Variants in COL25A1 observed in about 807,000 individuals in gnomAD.
COL25A1 encodes the protein collagen alpha-1(XXV) chain.
Under a neutral mutation model 128.4 loss-of-function variants are expected in COL25A1, and 103 were observed. That is an observed-to-expected ratio of 0.80 (90% CI 0.68 to 0.94). COL25A1 has a LOEUF of 0.94. Ranked by LOEUF, COL25A1 falls within the 40% of genes least tolerant of loss-of-function variation. COL25A1 has a pLI of 0.00. For missense variants in COL25A1, 745 were observed against 840.0 expected (o/e 0.89, Z 1.40); for synonymous variants, 279 against 277.2 (o/e 1.01, Z -0.06).
intron 3 of COL25A1, among the ~76,000 whole-genome samples, chr4:109,165,046 A>G (rs947230019): frequency 6.6e-6 from 1 of 152,230 alleles, no homozygotes. Context: ...ACCTCCAAAT[A>G]GAAAAACAAC....
chr4:109,269,653 T>A (rs1252800192), intron 3 of COL25A1, among the ~76,000 whole-genome samples: 1 of 151,778 alleles, frequency 6.6e-6, no homozygotes, highest in Non-Finnish European at 1.5e-5. Context: ...TATCTCATTG[T>A]GGTTTTGATT....
intron 13 of COL25A1, among the ~76,000 whole-genome samples, chr4:108,903,184 T>C (rs2125868618): frequency 6.6e-6 from 1 of 152,110 alleles, no homozygotes; most frequent in African/African-American, 2.4e-5. Context: ...CATTGAGGGA[T>C]GAAAGTTTGA....
chr4:108,944,096 T>C (rs1748450923), intron 8 of COL25A1, among the ~76,000 whole-genome samples: 1 of 152,228 alleles, frequency 6.6e-6, no homozygotes, highest in East Asian at 1.9e-4. Context: ...TCAGCTCTAA[T>C]GCCTTTGACT....
At chr4:109,297,868 T>C (rs1178964206) in intron 3 of COL25A1, among the ~76,000 whole-genome samples, 2 of 112,046 alleles carry the variant, frequency 1.8e-5, no homozygotes, top group African/African-American at 1.3e-4. Flanking sequence ...TTTTCTTTTT[T>C]TTTTTTTTTT....
At chr4:109,300,724 C>T (rs1235064144) in intron 2 of COL25A1, 72 bp from the exon 3 acceptor site, 8 of 1,010,570 alleles carry the variant, frequency 7.9e-6, no homozygotes, top group South Asian at 1.3e-5. Context: ...GGGACTCTGG[C>T]CATACGCCTG....
chr4:109,157,359 T>G (rs1374380183), intron 3 of COL25A1, among the ~76,000 whole-genome samples: 2 of 152,176 alleles, frequency 1.3e-5, no homozygotes, highest in African/African-American at 4.8e-5. Context: ...CATTTTCAAT[T>G]AACTCAGCAT....
At chr4:109,073,020 T>A (rs1763102482) in intron 3 of COL25A1, among the ~76,000 whole-genome samples, 2 of 152,196 alleles carry the variant, frequency 1.3e-5, no homozygotes, top group Admixed American at 1.3e-4. Flanking sequence ...GAGACTTTTC[T>A]CTGAGGACAG....
At position 108,817,998 on chromosome 4, in the gene COL25A1, T is replaced by C. The variant is rs115750866; in HGVS notation, c.1924-563A>G. On this transcript the variant is annotated intron_variant, in intron 36 of 37. Transcript: ENST00000399132. The stretch of plus-strand genomic sequence containing the variant: ...AGGCAGCCTATCTATATTTTTATGA[T>C]AAAATATTATCTACAGCATTTATCG... Among the ~76,000 whole-genome samples, 391 of 152,298 alleles carry C rather than the reference T, an allele frequency of 2.6e-3. 1 individual carries two copies. Among genetic ancestry groups the C allele is most frequent in the African/African-American group, 9.1e-3 (378 of 41,564 alleles).
chr4:109,210,707 T>C (rs1039999260), intron 3 of COL25A1, among the ~76,000 whole-genome samples: 4 of 151,918 alleles, frequency 2.6e-5, no homozygotes, highest in African/African-American at 9.7e-5. Context: ...AGAAAGTGAG[T>C]CTCCTGCGAT....
chr4:108,967,245 T>G (rs1751418122), intron 8 of COL25A1, among the ~76,000 whole-genome samples: 1 of 152,212 alleles, frequency 6.6e-6, no homozygotes, highest in Non-Finnish European at 1.5e-5. Flanking sequence ...GGAACTCAAT[T>G]AAAGTATCCT....
At chr4:109,280,206 T>A (rs557340463) in intron 3 of COL25A1, among the ~76,000 whole-genome samples, 1 of 152,352 alleles carries the variant, frequency 6.6e-6, no homozygotes, top group South Asian at 2.1e-4. Flanking sequence ...CATTACTATA[T>A]GTTCAGAAGA....
At chr4:109,272,108 T>C (rs1034437665) in intron 3 of COL25A1, among the ~76,000 whole-genome samples, 8 of 152,032 alleles carry the variant, frequency 5.3e-5, no homozygotes, top group African/African-American at 1.9e-4. Context: ...TGGTGGTGTG[T>C]ACCTGTAGTT....
At chr4:109,277,104 T>C (rs1297940) in intron 3 of COL25A1, among the ~76,000 whole-genome samples, 99,239 of 152,130 alleles carry the variant, frequency 0.65, 34,461 homozygotes, top group African/African-American at 0.91. Context: ...ATGATTCAAA[T>C]TGTGCATCAT....
rs537651647 is a variant in COL25A1 at position 109,225,648 on chromosome 4, G to A, written c.367+74935C>T. 2.0e-4 allele frequency among the ~76,000 whole-genome samples: 30 copies of A among 152,202 alleles called. No individual in the cohort carries two copies. In the South Asian group the frequency reaches 6.0e-3, roughly 30 times the overall value. On this transcript the variant is annotated intron_variant, in intron 3 of 37. Coordinates refer to ENST00000399132, the MANE Select transcript of COL25A1 (RefSeq NM_198721.4). ...TTATATCAAAAAGAAACCTGCACTT[G>A]TATGTGTATCAGAGCACTATTCACA...
chr4:109,100,406 C>T (rs1433410226), intron 3 of COL25A1, among the ~76,000 whole-genome samples: 6 of 143,610 alleles, frequency 4.2e-5, no homozygotes, highest in Admixed American at 1.4e-4. Flanking sequence ...AATATAAGCC[C>T]ATTTTTGTGA....
chr4:109,175,947 G>A lies in COL25A1; in HGVS notation c.367+124636C>T, dbSNP rs1774053599. ...TAAGAGTTAAACCTTAACTTATAGT[G>A]AAGAATGTTGTTTGATACAACTGCA... On this transcript the variant is annotated intron_variant, in intron 3 of 37. Coordinates refer to ENST00000399132, the MANE Select transcript of COL25A1 (RefSeq NM_198721.4). Among the ~76,000 whole-genome samples the A allele has an allele frequency of 2.0e-5, 3 of 152,294 alleles. No homozygotes were observed. The South Asian group carries it at 6.2e-4, about 32-fold the overall frequency.
At chr4:109,041,584 T>A (rs571974649) in intron 5 of COL25A1, among the ~76,000 whole-genome samples, 1 of 152,256 alleles carries the variant, frequency 6.6e-6, no homozygotes, top group Non-Finnish European at 1.5e-5. Flanking sequence ...CAGTGGAGAC[T>A]GGCTCTTCAC....
At chr4:108,904,612 T>C (rs932015488) in intron 13 of COL25A1, among the ~76,000 whole-genome samples, 3 of 151,814 alleles carry the variant, frequency 2.0e-5, no homozygotes, top group Non-Finnish European at 4.4e-5. Flanking sequence ...ACAAAAAAAA[T>C]GGGAACCAGG....
chr4:108,952,831 C>CTTTTTTTTTTTTTTTTTTTTTTTTT (rs59761040), intron 8 of COL25A1, among the ~76,000 whole-genome samples: 1 of 66,958 alleles, frequency 1.5e-5, no homozygotes. Flanking sequence ...AAAAACTCAA[C>CTTTTTTTTTTTTTTTTTTTTTTTTT]TTTTTTTTTT....
Sources: gnomAD v4.1 joint callset for allele counts (sites outside exome capture counted in the v4.1 genomes callset) on GRCh38, gnomAD v4.1.1 for gene constraint, MANE v1.5 for transcripts, NCBI Gene and HGNC (gene_info 2026-07-23, HGNC 2026-07-21) for gene names.